ATXN2: variants seen among roughly 807,000 people sequenced by gnomAD.
ATXN2 encodes the protein ataxin-2.
A neutral mutation model predicts 138.6 loss-of-function variants in ATXN2; 37 were observed. The observed-to-expected ratio is 0.27, with a 90% CI of 0.21 to 0.35. ATXN2 has a LOEUF of 0.35. ATXN2 is among the 10% of genes least tolerant of loss of function. The pLI, the probability that ATXN2 is intolerant of heterozygous loss-of-function variation, is 1.00. For synonymous variants in ATXN2, 549 were observed against 543.7 expected (o/e 1.01, Z -0.13); for missense variants, 1,216 against 1,480.3 (o/e 0.82, Z 2.93).
intron 1 of ATXN2, among the ~76,000 whole-genome samples, chr12:111,572,328 G>C (rs955961345): frequency 9.2e-5 from 14 of 151,800 alleles, no homozygotes; most frequent in African/African-American, 3.4e-4. Context: ...TTGAACCTGG[G>C]AGGCAGAGGT....
At chr12:111,511,253 T>C (rs1879493324) in intron 11 of ATXN2, 1 of 152,080 alleles carries the variant, frequency 6.6e-6, no homozygotes, top group Admixed American at 6.5e-5. Flanking sequence ...GTGTTTTTTT[T>C]TTTTTAAGTC....
chr12:111,532,246 A>AAGGC (rs1407988338), intron 5 of ATXN2, among the ~76,000 whole-genome samples: 1 of 152,166 alleles, frequency 6.6e-6, no homozygotes, highest in African/African-American at 2.4e-5. Context: ...TTTGGAAGCC[A>AAGGC]AGGCAGGCGG....
intron 18 of ATXN2, among the ~76,000 whole-genome samples, chr12:111,483,194 TACACACACACACACAC>T (rs59840296): frequency 1.0e-3 from 95 of 95,430 alleles, no homozygotes; most frequent in Non-Finnish European, 1.1e-3. Flanking sequence ...ATCAAACACA[TACACACACACACACAC>T]ACACACACAC....
At chr12:111,587,070 T>C (rs545242887) in intron 1 of ATXN2, among the ~76,000 whole-genome samples, 1 of 59,174 alleles carries the variant, frequency 1.7e-5, no homozygotes, top group East Asian at 3.1e-4. Context: ...CCCCCATTTC[T>C]ACCAAAAAAA....
intron 14 of ATXN2, among the ~76,000 whole-genome samples, chr12:111,489,770 A>C (rs945350509): frequency 2.0e-5 from 3 of 151,926 alleles, no homozygotes; most frequent in African/African-American, 7.2e-5. Flanking sequence ...AAAAAATAAT[A>C]ATAAAATAAA....
At chr12:111,513,100 T>C (rs1174404946) in intron 11 of ATXN2, 1 of 424,318 alleles carries the variant, frequency 2.4e-6, no homozygotes. Context: ...AATCCCATAA[T>C]GTAGACTAGG....
chr12:111,586,627 C>A (rs1884356408), intron 1 of ATXN2, among the ~76,000 whole-genome samples: 3 of 151,868 alleles, frequency 2.0e-5, no homozygotes, highest in Admixed American at 1.3e-4. Flanking sequence ...ACCTTGTAAT[C>A]CGCCCTCCTC....
intron 21 of ATXN2, 195 bp from the exon 22 acceptor site, chr12:111,457,554 A>G (rs1453520985): frequency 1.8e-6 from 1 of 565,830 alleles, no homozygotes; most frequent in Non-Finnish European, 3.0e-6. Flanking sequence ...ACAGACTAGC[A>G]TTTGGTTCAT....
intron 11 of ATXN2, chr12:111,511,942 T>C (rs1421234949): frequency 6.6e-6 from 1 of 152,236 alleles, no homozygotes; most frequent in Non-Finnish European, 1.5e-5. Flanking sequence ...GAGTTTTGTT[T>C]TTGTTTCCTT....
intron 20 of ATXN2, among the ~76,000 whole-genome samples, chr12:111,467,400 C>CCA (rs1178966613): frequency 6.9e-6 from 1 of 145,568 alleles, no homozygotes; most frequent in African/African-American, 2.6e-5. Flanking sequence ...AAGCGATCCT[C>CCA]CACTTCAGCC....
chr12:111,454,123 T>C (rs760333198), intron 23 of ATXN2: 3 of 297,910 alleles, frequency 1.0e-5, no homozygotes, highest in African/African-American at 2.2e-5. Flanking sequence ...TTTCTGATCA[T>C]TGTATTCTAT....
At chr12:111,547,294 G>A (rs1881846383) in intron 5 of ATXN2, among the ~76,000 whole-genome samples, 1 of 152,176 alleles carries the variant, frequency 6.6e-6, no homozygotes, top group African/African-American at 2.4e-5. Flanking sequence ...GGGCATGGTG[G>A]CAGACGCCTA....
At chr12:111,591,344 G>A (rs1884655539) in intron 1 of ATXN2, among the ~76,000 whole-genome samples, 5 of 151,702 alleles carry the variant, frequency 3.3e-5, no homozygotes, top group Middle Eastern at 3.4e-3. Flanking sequence ...TTTCAAGGGA[G>A]GGGCCCCAGA....
chr12:111,576,429 A>T (rs1883652716), intron 1 of ATXN2, among the ~76,000 whole-genome samples: 3 of 152,134 alleles, frequency 2.0e-5, no homozygotes, highest in Non-Finnish European at 4.4e-5. Flanking sequence ...TGGGCAACAG[A>T]GTGAGACTCC....
intron 1 of ATXN2, among the ~76,000 whole-genome samples, chr12:111,590,699 A>C (rs1884611812): frequency 6.6e-6 from 1 of 151,614 alleles, no homozygotes. Context: ...AAAAAAAAAA[A>C]CAGGCCTGTT....
intron 6 of ATXN2, among the ~76,000 whole-genome samples, chr12:111,521,715 G>A (rs576789881): frequency 1.3e-5 from 2 of 152,250 alleles, no homozygotes; most frequent in Admixed American, 6.5e-5. Flanking sequence ...AATTCTACGA[G>A]GAAACTATAG....
chr12:111,485,814 G>A lies in ATXN2; in HGVS notation c.2356C>T (p.Pro786Ser), dbSNP rs771952619. ...TSPRPQAQPS[P>S]SMVGHQQPTP... ...GGCTGTTGATGACCCACCATAGATG[G>A]GCTAGGTTGTGCTTGAGGCCGAGGT... Residue 786 changes from proline (P) to serine (S), a missense_variant, in exon 17 of 25, where the codon CCA (proline) becomes TCA (serine). This residue lies in a region of ATXN2 where 490 missense variants were observed against 653.5 expected (regional missense o/e 0.75). Coordinates refer to ENST00000673436, the MANE Select transcript of ATXN2 (RefSeq NM_001372574.1). 2 of 1,614,106 alleles carry A rather than the reference G, an allele frequency of 1.2e-6. No individual in the cohort carries two copies. Among genetic ancestry groups the A allele is most frequent in the South Asian group, 1.1e-5 (1 of 91,078 alleles).
chr12:111,585,612 C>T (rs1884280559), intron 1 of ATXN2, among the ~76,000 whole-genome samples: 1 of 151,898 alleles, frequency 6.6e-6, no homozygotes, highest in Non-Finnish European at 1.5e-5. Flanking sequence ...CGAGACCAGC[C>T]TGGCCAAAAT....
At chr12:111,556,544 G>A (rs1165353734) in intron 1 of ATXN2, among the ~76,000 whole-genome samples, 2 of 152,008 alleles carry the variant, frequency 1.3e-5, no homozygotes, top group East Asian at 1.9e-4. Context: ...TGGGCCGGGC[G>A]CAGTGGCTCA....
Sources: gnomAD v4.1 joint callset for allele counts (sites outside exome capture counted in the v4.1 genomes callset) on GRCh38, gnomAD v4.1.1 for gene constraint, gnomAD v4.1.1 regional missense constraint, MANE v1.5 for transcripts, NCBI Gene and HGNC (gene_info 2026-07-23, HGNC 2026-07-21) for gene names.